Variants in PDE8A observed in about 807,000 individuals in gnomAD.
The protein encoded by PDE8A is phosphodiesterase 8A.
In PDE8A, 59 loss-of-function variants were observed where a neutral mutation model predicts 105.0. The observed-to-expected ratio is 0.56, with a 90% CI of 0.46 to 0.70. PDE8A has a LOEUF of 0.70. Ranked by LOEUF, PDE8A falls within the 30% of genes least tolerant of loss-of-function variation. PDE8A has a pLI of 0.00. For synonymous variants in PDE8A, 355 were observed against 371.9 expected (o/e 0.95, Z 0.52); for missense variants, 1,014 against 1,045.9 (o/e 0.97, Z 0.42).
At chr15:85,107,836 A>G (rs1447642595) in intron 11 of PDE8A, among the ~76,000 whole-genome samples, 1 of 152,224 alleles carries the variant, frequency 6.6e-6, no homozygotes, top group Non-Finnish European at 1.5e-5. Context: ...AACTATAGGA[A>G]GAATGAGATC....
intron 1 of PDE8A, among the ~76,000 whole-genome samples, chr15:85,044,218 C>T (rs1323595328): frequency 6.6e-6 from 1 of 151,910 alleles, no homozygotes. Context: ...CCCAACACTA[C>T]GGGTTTGGGA....
chr15:85,129,018 C>G (rs2082295836), intron 20 of PDE8A, among the ~76,000 whole-genome samples: 1 of 152,142 alleles, frequency 6.6e-6, no homozygotes, highest in Admixed American at 6.5e-5. Context: ...CATTTTAGAT[C>G]TGGGTTTTCT....
intron 11 of PDE8A, among the ~76,000 whole-genome samples, chr15:85,101,052 T>C (rs2081854703): frequency 6.6e-6 from 1 of 152,262 alleles, no homozygotes; most frequent in South Asian, 2.1e-4. Context: ...GTACAGCTTA[T>C]TTTAATGAAG....
chr15:85,096,802 C>A (rs1043721329), intron 8 of PDE8A, among the ~76,000 whole-genome samples: 1 of 152,170 alleles, frequency 6.6e-6, no homozygotes, highest in Non-Finnish European at 1.5e-5. Context: ...TTTGATATAG[C>A]CCTTTTTTGG....
At chr15:84,984,909 A>G (rs369219583) in intron 1 of PDE8A, among the ~76,000 whole-genome samples, 35 of 150,858 alleles carry the variant, frequency 2.3e-4, no homozygotes, top group African/African-American at 7.2e-4. Context: ...TATAATGCAG[A>G]TATTCCAAAA....
chr15:85,111,637 GTTC>G (rs763439867), intron 12 of PDE8A, among the ~76,000 whole-genome samples: 2 of 152,184 alleles, frequency 1.3e-5, no homozygotes, highest in African/African-American at 4.8e-5. Flanking sequence ...GTAGGTAGCT[GTTC>G]TTCTTCAGTG....
At chr15:85,127,307 G>A (rs2082272086) in intron 20 of PDE8A, among the ~76,000 whole-genome samples, 1 of 152,214 alleles carries the variant, frequency 6.6e-6, no homozygotes, top group South Asian at 2.1e-4. Context: ...GTTCAACCTT[G>A]TATTGGTGTT....
At chr15:85,128,602 G>A (rs2082290521) in intron 20 of PDE8A, among the ~76,000 whole-genome samples, 2 of 152,298 alleles carry the variant, frequency 1.3e-5, no homozygotes, top group South Asian at 4.1e-4. Context: ...AAATGAGCAG[G>A]CAAGCCATAC....
intron 1 of PDE8A, among the ~76,000 whole-genome samples, chr15:85,009,811 G>A (rs289379): frequency 0.69 from 104,184 of 152,020 alleles, 36,185 homozygotes; most frequent in Non-Finnish European, 0.75. Flanking sequence ...GTGTAGATAT[G>A]TTCACCAAAA....
intron 20 of PDE8A, among the ~76,000 whole-genome samples, chr15:85,127,860 A>C (rs891294278): frequency 6.6e-6 from 1 of 152,122 alleles, no homozygotes; most frequent in African/African-American, 2.4e-5. Context: ...AGCAAACTTT[A>C]AAAAGTTGGA....
intron 1 of PDE8A, among the ~76,000 whole-genome samples, chr15:85,004,165 A>G (rs1405301205): frequency 6.6e-6 from 1 of 152,128 alleles, no homozygotes; most frequent in Admixed American, 6.5e-5. Context: ...CTTTGGTAAC[A>G]TTTGTTGCTT....
chr15:85,020,655 T>TA (rs999867121), intron 1 of PDE8A, among the ~76,000 whole-genome samples: 5 of 152,144 alleles, frequency 3.3e-5, no homozygotes, highest in African/African-American at 1.2e-4. Context: ...ATTTTAGACT[T>TA]AGAGAAAATT....
At chr15:85,069,975 C>T (rs1401181777) in intron 3 of PDE8A, among the ~76,000 whole-genome samples, 1 of 152,130 alleles carries the variant, frequency 6.6e-6, no homozygotes, top group Non-Finnish European at 1.5e-5. Flanking sequence ...TGGCTTATCT[C>T]CCTTAAGATC....
At chr15:85,031,287 T>C (rs536641363) in intron 1 of PDE8A, among the ~76,000 whole-genome samples, 20 of 152,354 alleles carry the variant, frequency 1.3e-4, no homozygotes, top group Admixed American at 1.2e-3. Context: ...ACTAGACTTC[T>C]ATGTCTTTGT....
intron 18 of PDE8A, among the ~76,000 whole-genome samples, chr15:85,121,486 C>T (rs778463672): frequency 4.2e-4 from 64 of 152,230 alleles, no homozygotes; most frequent in Non-Finnish European, 7.5e-4. Flanking sequence ...TATCACATTT[C>T]TTATTTAATA....
chr15:85,073,888 C>G (rs116857713), intron 3 of PDE8A, among the ~76,000 whole-genome samples: 1 of 152,218 alleles, frequency 6.6e-6, no homozygotes, highest in Non-Finnish European at 1.5e-5. Context: ...CCTGCCTGCT[C>G]TCCCCAGTCA....
intron 1 of PDE8A, among the ~76,000 whole-genome samples, chr15:84,996,937 G>GA (rs932950046): frequency 6.6e-6 from 1 of 151,210 alleles, no homozygotes; most frequent in Non-Finnish European, 1.5e-5. Context: ...AGTGGTGAGT[G>GA]AATGTGAAGG....
At chr15:84,988,056 C>G (rs1472357450) in intron 1 of PDE8A, among the ~76,000 whole-genome samples, 2 of 152,178 alleles carry the variant, frequency 1.3e-5, no homozygotes, top group Admixed American at 1.3e-4. Context: ...TGGATGCCCT[C>G]TGTGTTGCAA....
chr15:84,991,808 AAAG>A (rs2079889490), intron 1 of PDE8A, among the ~76,000 whole-genome samples: 1 of 151,216 alleles, frequency 6.6e-6, no homozygotes, highest in Non-Finnish European at 1.5e-5. Context: ...CAGTGGAGAG[AAAG>A]AAGAAGCCAT....
Sources: allele counts gnomAD v4.1 joint callset (sites outside exome capture counted in the v4.1 genomes callset), GRCh38; gene constraint gnomAD v4.1.1; transcripts MANE v1.5; gene names NCBI Gene and HGNC (gene_info 2026-07-23, HGNC 2026-07-21).